C8orf34: variants seen among roughly 807,000 people sequenced by gnomAD.
The protein encoded by C8orf34 is uncharacterized protein C8orf34.
C8orf34 carries 65 observed loss-of-function variants against 68.3 expected under a neutral mutation model. The observed-to-expected ratio is 0.95, with a 90% CI of 0.78 to 1.17. C8orf34 has a LOEUF of 1.17. Among genes scored for constraint, C8orf34 ranks in the 50% most tolerant of loss-of-function variants. The pLI, the probability that C8orf34 is intolerant of heterozygous loss-of-function variation, is 0.00. For missense variants in C8orf34, 664 were observed against 655.4 expected (o/e 1.01, Z -0.14); for synonymous variants, 244 against 241.2 (o/e 1.01, Z -0.11).
At chr8:68,460,957 G>A (rs1811790939) in intron 3 of C8orf34, among the ~76,000 whole-genome samples, 1 of 152,242 alleles carries the variant, frequency 6.6e-6, no homozygotes. Context: ...GACATGACGA[G>A]TTGTGAGAAG....
intron 8 of C8orf34, among the ~76,000 whole-genome samples, chr8:68,651,111 G>C (rs1041100710): frequency 1.3e-5 from 2 of 152,168 alleles, no homozygotes. Context: ...TGATTATCGA[G>C]AGGCGGATTT....
At chr8:68,739,704 A>G (rs1294352643) in intron 10 of C8orf34, among the ~76,000 whole-genome samples, 1 of 152,138 alleles carries the variant, frequency 6.6e-6, no homozygotes, top group Non-Finnish European at 1.5e-5. Context: ...CCTATTAAAC[A>G]ACCAATGACA....
intron 9 of C8orf34, among the ~76,000 whole-genome samples, chr8:68,713,075 TG>T (rs1396549542): frequency 1.3e-5 from 2 of 152,062 alleles, no homozygotes; most frequent in African/African-American, 4.8e-5. Context: ...CAATGATCAT[TG>T]GGTCAACAAG....
chr8:68,683,683 AT>A (rs1820432464), intron 8 of C8orf34, among the ~76,000 whole-genome samples: 1 of 152,172 alleles, frequency 6.6e-6, no homozygotes, highest in Admixed American at 6.6e-5. Context: ...AGAGTAAAAT[AT>A]CAGAACCTGT....
chr8:68,330,781 TCG>T (rs149389557), upstream of C8orf34: 2,427 of 431,392 alleles, frequency 5.6e-3, 53 homozygotes, highest in African/African-American at 0.046. Flanking sequence ...GTACACACAG[TCG>T]CGCGCGCACG....
At chr8:68,677,238 G>A (rs565225670) in intron 8 of C8orf34, among the ~76,000 whole-genome samples, 204 of 152,276 alleles carry the variant, frequency 1.3e-3, no homozygotes, top group African/African-American at 3.9e-3. Flanking sequence ...AATGATAATG[G>A]AAACACACAT....
chr8:68,732,863 G>C (rs542475274), intron 10 of C8orf34, among the ~76,000 whole-genome samples: 3 of 152,284 alleles, frequency 2.0e-5, no homozygotes, highest in East Asian at 3.9e-4. Flanking sequence ...AGGAGTTTGC[G>C]ATCAGCCTGG....
At chr8:68,346,603 TCTC>T in intron 1 of C8orf34, among the ~76,000 whole-genome samples, 1 of 152,044 alleles carries the variant, frequency 6.6e-6, no homozygotes, top group Non-Finnish European at 1.5e-5. Context: ...CCTATCTGTC[TCTC>T]CCTCCCCCAT....
At chr8:68,686,746 T>G (rs1222501479) in intron 8 of C8orf34, among the ~76,000 whole-genome samples, 1 of 152,102 alleles carries the variant, frequency 6.6e-6, no homozygotes, top group African/African-American at 2.4e-5. Flanking sequence ...ACCACTTCTA[T>G]TCAACGTAGT....
At chr8:68,538,834 C>G (rs962902973) in intron 7 of C8orf34, among the ~76,000 whole-genome samples, 3 of 152,048 alleles carry the variant, frequency 2.0e-5, no homozygotes, top group African/African-American at 4.8e-5. Context: ...ATTCTACTGT[C>G]TTTCATTTTC....
intron 7 of C8orf34, among the ~76,000 whole-genome samples, chr8:68,599,837 T>C (rs1353219665): frequency 6.6e-6 from 1 of 151,748 alleles, no homozygotes; most frequent in African/African-American, 2.4e-5. Flanking sequence ...TTTGAAAAGA[T>C]GAAAAGACAA....
At chr8:68,391,678 C>T (rs1390181796) in intron 1 of C8orf34, among the ~76,000 whole-genome samples, 2 of 152,160 alleles carry the variant, frequency 1.3e-5, no homozygotes, top group African/African-American at 4.8e-5. Context: ...ATCTCAGTAG[C>T]TTAAACCACA....
chr8:68,493,720 C>T (rs1327884658), intron 5 of C8orf34, among the ~76,000 whole-genome samples: 1 of 152,126 alleles, frequency 6.6e-6, no homozygotes. Context: ...GAGGGATCCA[C>T]CCTCATAAAT....
intron 11 of C8orf34, among the ~76,000 whole-genome samples, chr8:68,778,537 A>G (rs1823584795): frequency 6.6e-6 from 1 of 152,172 alleles, no homozygotes; most frequent in African/African-American, 2.4e-5. Flanking sequence ...TCTCAAAAGT[A>G]AAGCTAAAAT....
At chr8:68,814,588 T>A (rs1020817604) in intron 12 of C8orf34, among the ~76,000 whole-genome samples, 32 of 152,324 alleles carry the variant, frequency 2.1e-4, no homozygotes, top group African/African-American at 7.5e-4. Context: ...CCGAAAAATG[T>A]TAAATACCCA....
chr8:68,775,712 A>C (rs57996050), intron 10 of C8orf34, among the ~76,000 whole-genome samples: 15,530 of 152,250 alleles, frequency 0.1, 862 homozygotes, highest in African/African-American at 0.13. Context: ...TCCTTAGCCT[A>C]ATTATGAGAC....
At chr8:68,692,088 G>A (rs1164671959) in intron 8 of C8orf34, among the ~76,000 whole-genome samples, 6 of 151,830 alleles carry the variant, frequency 4.0e-5, no homozygotes, top group African/African-American at 1.4e-4. Flanking sequence ...GAGAAAGCCC[G>A]GGGATGATCC....
chr8:68,338,558 C>T (rs1477207920), intron 1 of C8orf34, among the ~76,000 whole-genome samples: 4 of 152,142 alleles, frequency 2.6e-5, no homozygotes, highest in African/African-American at 7.2e-5. Flanking sequence ...TATGAAATCA[C>T]ACACTATGCA....
At chr8:68,567,681 G>A (rs1365215262) in intron 7 of C8orf34, among the ~76,000 whole-genome samples, 3 of 125,320 alleles carry the variant, frequency 2.4e-5, no homozygotes, top group Admixed American at 1.0e-4. Context: ...TGCAAATTCC[G>A]CCTCCCGGGT....
Sources: gnomAD v4.1 joint callset for allele counts (sites outside exome capture counted in the v4.1 genomes callset) on GRCh38, gnomAD v4.1.1 for gene constraint, MANE v1.5 for transcripts, NCBI Gene and HGNC (gene_info 2026-07-23, HGNC 2026-07-21) for gene names.